The following INO80C variants were observed in gnomAD, a reference collection of about 807,000 sequenced individuals.
INO80C encodes the protein IES6 homolog.
Under a neutral mutation model 17.7 loss-of-function variants are expected in INO80C, and 17 were observed. The ratio of observed to expected loss-of-function variants is 0.96; its 90% CI spans 0.66 to 1.44. The LOEUF (loss-of-function observed/expected upper bound fraction) is 1.44, where lower values mean the gene tolerates loss of function less well. Ranked by LOEUF, INO80C falls within the 40% of genes most tolerant of loss-of-function variation. The pLI is 0.00. For synonymous variants in INO80C, 96 were observed against 95.8 expected, an observed-to-expected ratio of 1.00 and a Z score of -0.01; for missense variants, 244 against 245.0, an observed-to-expected ratio of 1.00 and a Z score of 0.03.
rs910537391 is a variant in INO80C, at chr18:35,475,905, G to T, written c.447+2377C>A. On this transcript the variant is annotated intron_variant, in intron 4 of 4. Coordinates refer to ENST00000334598, the MANE Select transcript of INO80C (RefSeq NM_194281.4). ...TTTCTTATTTTTATTTCTCTAAAAG[G>T]TAACTGTCTAAAGCACAAATTAACA... Among the ~76,000 whole-genome samples, 5 of 152,086 alleles carry T rather than the reference G, an allele frequency of 3.3e-5. 1 individual carries two copies. The South Asian group carries it at 1.0e-3, about 32-fold the overall frequency.
chr18:35,481,989 G>A (rs2045814891), intron 1 of INO80C, among the ~76,000 whole-genome samples: 1 of 152,150 alleles, frequency 6.6e-6, no homozygotes, highest in Non-Finnish European at 1.5e-5. Context: ...CCACGGTAAG[G>A]AGGCACCCCA....
rs749919599 is a variant in INO80C, at chr18:35,480,528, C to T, written c.192G>A (p.Met64Ile). 2.5e-6 allele frequency: 4 copies of T among 1,613,974 alleles called. No homozygotes were observed. The South Asian group carries it at 3.3e-5, about 13-fold the overall frequency. ...ISMEAMSENK[M>I]VPSEFSTGPV... ...GTCCTGTGCTAAACTCAGAGGGCAC[C>T]ATTTTATTCTCACTCATGGCTTCCA... Residue 64 changes from methionine (M) to isoleucine (I), a missense_variant, in exon 2 of 5, where the codon ATG (methionine) becomes ATA (isoleucine). Coordinates refer to ENST00000334598, the MANE Select transcript of INO80C (RefSeq NM_194281.4).
At chr18:35,482,120 T>A (rs1555637173) in intron 1 of INO80C, among the ~76,000 whole-genome samples, 2 of 152,186 alleles carry the variant, frequency 1.3e-5, no homozygotes, top group Non-Finnish European at 2.9e-5. Context: ...GTGGAATGGT[T>A]GGGTTATAGG....
chr18:35,479,489 T>C (rs2045779425), intron 2 of INO80C, 78 bp from the exon 3 acceptor site: 1 of 845,716 alleles, frequency 1.2e-6, no homozygotes, highest in African/African-American at 1.7e-5. Flanking sequence ...TTATGCCTAA[T>C]CATAACTGTA....
intron 1 of INO80C, among the ~76,000 whole-genome samples, chr18:35,484,469 G>A (rs1040941627): frequency 6.6e-6 from 1 of 152,154 alleles, no homozygotes; most frequent in Admixed American, 6.5e-5. Context: ...CCATATAGAG[G>A]AGTTCTGCAT....
At chr18:35,492,138 A>AAAT (rs2045938931) in intron 1 of INO80C, among the ~76,000 whole-genome samples, 1 of 152,256 alleles carries the variant, frequency 6.6e-6, no homozygotes, top group East Asian at 1.9e-4. Context: ...CCTTTGTCTT[A>AAAT]TTACTGAAAA....
chr18:35,470,755 A>G (rs533505856), intron 4 of INO80C, among the ~76,000 whole-genome samples: 2 of 152,308 alleles, frequency 1.3e-5, no homozygotes, highest in South Asian at 4.1e-4. Context: ...ACCTGAACAG[A>G]CTGCACTGGA....
In INO80C at chr18:35,497,735, G is replaced by A. The variant is rs1389740271; in HGVS notation, c.140C>T (p.Ala47Val). 2.5e-6 allele frequency: 4 copies of A among 1,612,386 alleles called. No homozygotes were observed. Among genetic ancestry groups the A allele is most frequent in the African/African-American group, 2.7e-5 (2 of 74,806 alleles). Reference protein sequence around the residue: ...YGASKKKKASASSFAQGISME... With the variant: ...YGASKKKKASVSSFAQGISME... ...ACTGCGTACCTGCGCAAAGCTGGAA[G>A]CGGACGCTTTTTTCTTCTTACTGGC... Residue 47 changes from alanine (A) to valine (V), a missense_variant, in exon 1 of 5, where the codon GCT becomes GTT. Transcript: ENST00000334598.
At chr18:35,486,622 A>C (rs1422639641) in intron 1 of INO80C, among the ~76,000 whole-genome samples, 1 of 152,052 alleles carries the variant, frequency 6.6e-6, no homozygotes, top group Admixed American at 6.6e-5. Flanking sequence ...CCATGACATA[A>C]ATACTGATTT....
rs1007606090 is a variant in INO80C at position 35,490,503 on chromosome 18, G to A, written c.156+7216C>T. ...ATATGCTTTAAGTTTCAACTTTATCGTTTGAGTTTCTCATAAAGAATATGA... is the reference window on the plus strand; with the variant it reads ...ATATGCTTTAAGTTTCAACTTTATCATTTGAGTTTCTCATAAAGAATATGA... On this transcript the variant is annotated intron_variant, in intron 1 of 4. Coordinates refer to ENST00000334598, the MANE Select transcript of INO80C (RefSeq NM_194281.4). Among the ~76,000 whole-genome samples the A allele has an allele frequency of 2.6e-5, 4 of 152,160 alleles. No individual in the cohort carries two copies. The South Asian group carries it at 6.2e-4, about 24-fold the overall frequency.
At chr18:35,482,307 A>C (rs1278158186) in intron 1 of INO80C, among the ~76,000 whole-genome samples, 1 of 152,222 alleles carries the variant, frequency 6.6e-6, no homozygotes, top group East Asian at 1.9e-4. Flanking sequence ...TTAGCAACTT[A>C]TTCTGGTTCC....
intron 1 of INO80C, among the ~76,000 whole-genome samples, chr18:35,494,743 C>T (rs1011916588): frequency 2.0e-5 from 3 of 152,244 alleles, no homozygotes; most frequent in Admixed American, 2.0e-4. Flanking sequence ...AACCCAGTTG[C>T]ATTGTGTCAG....
chr18:35,469,704 T>C (rs1006484062), intron 4 of INO80C, among the ~76,000 whole-genome samples: 3 of 152,200 alleles, frequency 2.0e-5, no homozygotes, highest in Admixed American at 1.3e-4. Flanking sequence ...AAGTTTATTA[T>C]CTACATGACT....
At chr18:35,496,069 T>G (rs529656167) in intron 1 of INO80C, among the ~76,000 whole-genome samples, 41 of 152,320 alleles carry the variant, frequency 2.7e-4, no homozygotes, top group African/African-American at 7.5e-4. Context: ...CCGGTAAGAA[T>G]GCAAAAACAG....
At chr18:35,497,193 A>T in intron 1 of INO80C, 1 of 244,782 alleles carries the variant, frequency 4.1e-6, no homozygotes, top group Non-Finnish European at 6.5e-6. Flanking sequence ...TACACTCATT[A>T]CTTCATAACC....
Position 35,487,647 on chromosome 18 carries a change from G to A in INO80C, c.157-7084C>T, listed in dbSNP as rs866933482. 6.9e-5 allele frequency: 11 copies of A among 159,492 alleles called. No homozygotes were observed. The South Asian group carries it at 1.6e-3, about 23-fold the overall frequency. The allele number at this position is 159,492 out of a possible 1,614,324, so 9.9% of individuals were successfully genotyped here. A position where few individuals can be genotyped will look rare whatever the true frequency, so the allele number is the denominator to read the frequency against. On this transcript the variant is annotated intron_variant, in intron 1 of 4. Transcript: ENST00000334598. ...AATTCAAGATGAGATTTGGGTGAGG[G>A]CACAGCCAAACTATCATTCCGCCCC...
intron 1 of INO80C, among the ~76,000 whole-genome samples, chr18:35,481,913 T>C (rs2045813691): frequency 6.6e-6 from 1 of 152,216 alleles, no homozygotes; most frequent in African/African-American, 2.4e-5. Context: ...TTCTGAGATG[T>C]ATCCATGTTG....
chr18:35,495,762 T>C (rs1339464941), intron 1 of INO80C, among the ~76,000 whole-genome samples: 1 of 152,108 alleles, frequency 6.6e-6, no homozygotes. Context: ...TCACAATACA[T>C]ACATCTGGCA....
rs576950263 is a variant in INO80C, at chr18:35,495,027, G to T, written c.156+2692C>A. Among the ~76,000 whole-genome samples, 3 of 152,310 alleles carry T rather than the reference G, an allele frequency of 2.0e-5. No individual in the cohort carries two copies. In the East Asian group the frequency reaches 5.8e-4, roughly 29 times the overall value. ...GGTTGGGCAAGTGACACAGATGAGG[G>T]TGACCTCAAGAAGATTCCTGGCAGC... is the stretch of plus-strand genomic sequence containing the variant. On this transcript the variant is annotated intron_variant, in intron 1 of 4. Coordinates refer to ENST00000334598, the MANE Select transcript of INO80C (RefSeq NM_194281.4).
Sources: allele counts gnomAD v4.1 joint callset (sites outside exome capture counted in the v4.1 genomes callset), GRCh38; gene constraint gnomAD v4.1.1; transcripts MANE v1.5; gene names NCBI Gene and HGNC (gene_info 2026-07-23, HGNC 2026-07-21).